Variants in ACAD8 observed in about 807,000 individuals in gnomAD.
The protein encoded by ACAD8 is acyl-CoA dehydrogenase family member 8, also known as isobutyryl-CoA dehydrogenase, mitochondrial.
In ACAD8, 47 loss-of-function variants were observed where a neutral mutation model predicts 53.1. The ratio of observed to expected loss-of-function variants is 0.89; its 90% confidence interval spans 0.70 to 1.13. The LOEUF (loss-of-function observed/expected upper bound fraction) is 1.13. Among genes scored for constraint, ACAD8 ranks in the 50% most tolerant of loss-of-function variants. ACAD8 has a pLI of 0.00. For synonymous variants in ACAD8, 198 were observed against 201.3 expected (o/e 0.98, Z 0.14); for missense variants, 494 against 535.0 (o/e 0.92, Z 0.76).
chr11:134,254,509 T>C (rs1939359925), intron 1 of ACAD8, among the ~76,000 whole-genome samples: 1 of 152,256 alleles, frequency 6.6e-6, no homozygotes, highest in South Asian at 2.1e-4. Flanking sequence ...AAATTTATTT[T>C]AAATAAATGG....
In ACAD8 at chr11:134,256,512, C is replaced by T. The variant is rs1037041681; in HGVS notation, c.110-36C>T. On this transcript the variant is annotated intron_variant, in intron 1 of 10. Transcript: ENST00000281182. Reference sequence around the variant, plus strand: ...GCAACACCTTGTTGGCAACACTGACCCTGTCCTAGAACAGTATATGCAATC... The same window carrying T: ...GCAACACCTTGTTGGCAACACTGACTCTGTCCTAGAACAGTATATGCAATC... 5 of 1,570,356 alleles carry T rather than the reference C, an allele frequency of 3.2e-6. No homozygotes were observed. In the African/African-American group the frequency reaches 5.4e-5, roughly 17 times the overall value.
rs555113446 is a variant in ACAD8, at chr11:134,253,912, GT to G, written c.109+204del. ...CCTCCGGTCGGTCACCACCATCCGG[GT>G]CCCCATCTGGCCCGTCACCCCTGCC... On this transcript the variant is annotated intron_variant, in intron 1 of 10. Transcript: ENST00000281182. 7.4e-4 allele frequency among the ~76,000 whole-genome samples: 109 copies of G among 148,036 alleles called. 3 individuals carry two copies. The East Asian group carries it at 0.013, about 18-fold the overall frequency.
In ACAD8 at chr11:134,259,614, A is replaced by G. The variant is rs377263662; in HGVS notation, c.574A>G (p.Ile192Val). Residue 192 changes from isoleucine (I) to valine (V), a missense_variant, in exon 6 of 11, where the codon ATC (isoleucine) becomes GTC (valine). Coordinates refer to ENST00000281182, the MANE Select transcript of ACAD8 (RefSeq NM_014384.3). ...ACCCCTTTTACCCCCACAGGCCTTCATCAGTGGTGCTGGTGAGTCAGACAT... is the reference window on the plus strand; with the variant it reads ...ACCCCTTTTACCCCCACAGGCCTTCGTCAGTGGTGCTGGTGAGTCAGACAT... ...HYILNGSKAF[I>V]SGAGESDIYV... 86 of 1,613,972 alleles carry G rather than the reference A, an allele frequency of 5.3e-5. No individual in the cohort carries two copies. Among genetic ancestry groups the G allele is most frequent in the Non-Finnish European group, 6.9e-5 (82 of 1,179,984 alleles).
At chr11:134,253,778 T>A in intron 1 of ACAD8, 69 bp downstream of exon 1, 1 of 1,436,668 alleles carries the variant, frequency 7.0e-7, no homozygotes, top group Non-Finnish European at 9.5e-7. Flanking sequence ...CGCGAGGGGC[T>A]GCAGTCTCCC....
At chr11:134,262,971 C>G in intron 10 of ACAD8, 1 of 1,227,750 alleles carries the variant, frequency 8.1e-7, no homozygotes, top group Non-Finnish European at 1.0e-6. Context: ...GATCCAAGAA[C>G]AGTGATGGAC....
At chr11:134,255,428 G>T (rs765322985) in intron 1 of ACAD8, among the ~76,000 whole-genome samples, 2 of 152,272 alleles carry the variant, frequency 1.3e-5, no homozygotes, top group African/African-American at 2.4e-5. Flanking sequence ...GAGCCACTGC[G>T]CCTGGCTGGA....
chr11:134,263,932 C>T (rs535117033), intron 10 of ACAD8: 161 of 985,312 alleles, frequency 1.6e-4, no homozygotes, highest in Non-Finnish European at 1.9e-4. Context: ...TTAAAGGCCA[C>T]TGCTAAAAAT....
chr11:134,263,762 G>A, intron 10 of ACAD8: 4 of 985,264 alleles, frequency 4.1e-6, no homozygotes, highest in Non-Finnish European at 4.8e-6. Context: ...AACATTTATT[G>A]TAGGCCACAC....
At chr11:134,253,829 C>T in intron 1 of ACAD8, 120 bp downstream of exon 1, 1 of 1,082,082 alleles carries the variant, frequency 9.2e-7, no homozygotes, top group Non-Finnish European at 1.4e-6. Flanking sequence ...CCCTTCCGGC[C>T]AGTCACCCCC....
At chr11:134,259,273 T>C in intron 5 of ACAD8, 189 bp downstream of exon 5, 1 of 714,276 alleles carries the variant, frequency 1.4e-6, no homozygotes, top group South Asian at 1.5e-5. Flanking sequence ...TTCCAGATCA[T>C]TTCGTTGACT....
chr11:134,255,024 G>A (rs1939417621), intron 1 of ACAD8, among the ~76,000 whole-genome samples: 1 of 152,136 alleles, frequency 6.6e-6, no homozygotes, highest in South Asian at 2.1e-4. Flanking sequence ...TTAAGCCTGT[G>A]GTTCCTTGAA....
At chr11:134,255,732 A>G (rs1429498594) in intron 1 of ACAD8, among the ~76,000 whole-genome samples, 2 of 152,168 alleles carry the variant, frequency 1.3e-5, no homozygotes, top group Non-Finnish European at 2.9e-5. Flanking sequence ...TGATCACAGA[A>G]AGCAGTGCCC....
chr11:134,259,853 C>A (rs749465824), intron 6 of ACAD8, 108 bp downstream of exon 6: 54 of 1,570,798 alleles, frequency 3.4e-5, no homozygotes, highest in Admixed American at 5.4e-5. Flanking sequence ...GCTAACCTAC[C>A]TTTGAAGCAG....
At position 134,261,116 on chromosome 11, in the gene ACAD8, G is replaced by C. The variant is rs2136082293; in HGVS notation, c.778G>C (p.Gly260Arg). 1 of 1,611,844 alleles carries C rather than the reference G, an allele frequency of 6.2e-7. No individual in the cohort carries two copies. The highest frequency in any genetic ancestry group is 2.2e-5 in the East Asian group (1 of 44,828). ...TGCTGTCCCTGTGGCCAACAGAATT[G>C]GGAGCGAGGGGCAGGGCTTCCTCAT... ...DCAVPVANRI[G>R]SEGQGFLIAV... The change falls in exon 7 of 11, where the codon GGG becomes CGG. Residue 260 changes from glycine to arginine, a missense_variant. By Grantham distance (125) the Gly-to-Arg change is moderately radical. Transcript: ENST00000281182. The surrounding 1 kb of genome is among the most constrained non-coding windows in gnomAD (Gnocchi z 4.2).
Position 134,265,091 on chromosome 11 carries a change from C to A in ACAD8, c.*131C>A. The A allele has an allele frequency of 1.0e-6, 1 of 977,582 alleles. No homozygotes were observed. Among genetic ancestry groups the A allele is most frequent in the Non-Finnish European group, 1.6e-6 (1 of 614,638 alleles). The allele number at this position is 977,582 out of a possible 1,614,324, so 60.6% of individuals were successfully genotyped here. A position where few individuals can be genotyped will look rare whatever the true frequency, so the allele number is the denominator to read the frequency against. ...CTGAGCTCCTCTAGGGCAGGACCTG[C>A]ACCCTGTGTGTTGGCACCAGCATCG... is the stretch of plus-strand genomic sequence containing the variant. On this transcript the variant is annotated 3_prime_UTR_variant, in exon 11 of 11. Transcript: ENST00000281182.
At chr11:134,256,743 C>G in intron 2 of ACAD8, 95 bp downstream of exon 2, 1 of 1,112,160 alleles carries the variant, frequency 9.0e-7, no homozygotes, top group South Asian at 1.5e-5. Flanking sequence ...TAAATGTCTC[C>G]TCCACTTACC....
intron 9 of ACAD8, 61 bp from the exon 10 acceptor site, chr11:134,262,459 G>T (rs886505803): frequency 5.9e-6 from 7 of 1,194,016 alleles, no homozygotes; most frequent in Admixed American, 1.9e-5. Flanking sequence ...GGTAGGAAGG[G>T]AAGCTGCTTG....
chr11:134,262,924 G>A, intron 10 of ACAD8: 2 of 1,308,846 alleles, frequency 1.5e-6, no homozygotes, highest in Non-Finnish European at 2.0e-6. Context: ...CACAGCCGGG[G>A]CTTTTCTCTA....
rs1481912716 is a variant in ACAD8, at chr11:134,259,625, T to C, written c.585T>C (p.Ala195=). 1 of 1,614,080 alleles carries C rather than the reference T, an allele frequency of 6.2e-7. No homozygotes were observed. The highest frequency in any genetic ancestry group is 8.5e-7 in the Non-Finnish European group (1 of 1,180,044). The part of the protein sequence containing the change: ...LNGSKAFISG[A]GESDIYVVMC... ...CCCCACAGGCCTTCATCAGTGGTGC[T>C]GGTGAGTCAGACATCTATGTGGTCA... Residue 195 remains alanine (A), a synonymous_variant, in exon 6 of 11, where the codon GCT becomes GCC. Coordinates refer to ENST00000281182, the MANE Select transcript of ACAD8 (RefSeq NM_014384.3).
Sources: allele counts gnomAD v4.1 joint callset (sites outside exome capture counted in the v4.1 genomes callset), GRCh38; gene constraint gnomAD v4.1.1; non-coding constraint Gnocchi (gnomAD v3.1); transcripts MANE v1.5; gene names NCBI Gene and HGNC (gene_info 2026-07-23, HGNC 2026-07-21).